Variants in STX8 observed in about 807,000 individuals in gnomAD.
STX8 encodes syntaxin-8.
STX8 carries 23 observed loss-of-function variants against 37.5 expected under a neutral mutation model. That is an observed-to-expected ratio of 0.61 (90% CI 0.44 to 0.87). The LOEUF is 0.87. Ranked by LOEUF, STX8 falls within the 40% of genes least tolerant of loss-of-function variation. STX8 has a pLI of 0.00. For missense variants in STX8, 313 were observed against 284.7 expected, an observed-to-expected ratio of 1.10 and a Z score of -0.71; for synonymous variants, 115 against 99.1, an observed-to-expected ratio of 1.16 and a Z score of -0.95.
intron 7 of STX8, among the ~76,000 whole-genome samples, chr17:9,290,272 T>C (rs1006293125): frequency 6.6e-6 from 1 of 151,948 alleles, no homozygotes; most frequent in African/African-American, 2.4e-5. Flanking sequence ...ATGCCATTAT[T>C]TTGACTCATC....
chr17:9,334,904 G>A (rs1482767826), intron 7 of STX8, among the ~76,000 whole-genome samples: 1 of 152,168 alleles, frequency 6.6e-6, no homozygotes, highest in South Asian at 2.1e-4. Context: ...AGTATGTTCA[G>A]TTCTTTGTTC....
intron 6 of STX8, among the ~76,000 whole-genome samples, chr17:9,381,836 G>A (rs889563276): frequency 4.6e-5 from 7 of 152,188 alleles, no homozygotes; most frequent in Admixed American, 1.3e-4. Flanking sequence ...GGGCATGGTG[G>A]CGTGCGCCTG....
intron 6 of STX8, among the ~76,000 whole-genome samples, chr17:9,428,504 T>C (rs925432754): frequency 6.6e-6 from 1 of 152,204 alleles, no homozygotes; most frequent in Non-Finnish European, 1.5e-5. Flanking sequence ...CCTCCCAAAG[T>C]GCTGGGATTA....
intron 7 of STX8, among the ~76,000 whole-genome samples, chr17:9,290,039 G>C (rs550619184): frequency 6.6e-6 from 1 of 152,300 alleles, no homozygotes; most frequent in African/African-American, 2.4e-5. Flanking sequence ...TTTCCCACAG[G>C]AGGAAGTTAA....
intron 7 of STX8, among the ~76,000 whole-genome samples, chr17:9,370,221 C>CAAAAA (rs1311169424): frequency 2.0e-5 from 3 of 152,066 alleles, no homozygotes; most frequent in Non-Finnish European, 2.9e-5. Context: ...TCTCAAAAAA[C>CAAAAA]AAAAATGAAT....
intron 7 of STX8, among the ~76,000 whole-genome samples, chr17:9,295,838 A>G (rs1249449635): frequency 8.1e-6 from 1 of 123,400 alleles, no homozygotes; most frequent in Non-Finnish European, 2.0e-5. Flanking sequence ...TGAGGTCAGG[A>G]GTTCGAGACC....
chr17:9,406,701 T>G (rs552220723), intron 6 of STX8, among the ~76,000 whole-genome samples: 1 of 152,348 alleles, frequency 6.6e-6, no homozygotes, highest in South Asian at 2.1e-4. Context: ...TTTAGCATTT[T>G]TACGTAGCTA....
intron 4 of STX8, among the ~76,000 whole-genome samples, chr17:9,526,592 T>A (rs1405768457): frequency 6.6e-6 from 1 of 152,166 alleles, no homozygotes; most frequent in Non-Finnish European, 1.5e-5. Context: ...AAACATTTTT[T>A]AAAATTAACA....
chr17:9,549,726 A>G (rs1906687673), intron 3 of STX8, among the ~76,000 whole-genome samples: 1 of 152,148 alleles, frequency 6.6e-6, no homozygotes, highest in African/African-American at 2.4e-5. Context: ...GGAGATGGGG[A>G]GGAGGGAGAT....
In STX8 at chr17:9,343,526, G is replaced by C. The variant is rs960903909; in HGVS notation, c.643+35026C>G. On this transcript the variant is annotated intron_variant, in intron 7 of 7. Transcript: ENST00000306357. ...CCAAAATAATCCTGGACCTTAAAGA[G>C]GTCTTGATTTATCATTTCACAGCTG... Among the ~76,000 whole-genome samples the C allele has an allele frequency of 2.0e-5, 3 of 152,172 alleles. No homozygotes were observed. In the East Asian group the frequency reaches 5.8e-4, roughly 29 times the overall value.
At chr17:9,308,412 C>T (rs1021204930) in intron 7 of STX8, among the ~76,000 whole-genome samples, 1 of 152,118 alleles carries the variant, frequency 6.6e-6, no homozygotes, top group Non-Finnish European at 1.5e-5. Context: ...GGTTCTAGTT[C>T]CTATGACTCA....
chr17:9,316,004 G>A (rs1909371468), intron 7 of STX8, among the ~76,000 whole-genome samples: 1 of 148,538 alleles, frequency 6.7e-6, no homozygotes, highest in African/African-American at 2.5e-5. Context: ...GATAGAGTGA[G>A]ACTCCATCTC....
At chr17:9,549,001 T>G (rs1279594183) in intron 3 of STX8, among the ~76,000 whole-genome samples, 3 of 152,110 alleles carry the variant, frequency 2.0e-5, no homozygotes, top group Non-Finnish European at 4.4e-5. Context: ...AACACAAGCT[T>G]CAGAACCATA....
chr17:9,349,790 G>C (rs960349815), intron 7 of STX8, among the ~76,000 whole-genome samples: 1 of 151,736 alleles, frequency 6.6e-6, no homozygotes, highest in Non-Finnish European at 1.5e-5. Context: ...TCCTTCTTGT[G>C]ATAATGTGAG....
At chr17:9,438,103 C>T (rs1040150495) in intron 6 of STX8, among the ~76,000 whole-genome samples, 1 of 152,018 alleles carries the variant, frequency 6.6e-6, no homozygotes, top group Admixed American at 6.6e-5. Flanking sequence ...ATTAGCCAGG[C>T]ATGGTGGCAC....
chr17:9,412,271 C>T (rs1913005033), intron 6 of STX8, among the ~76,000 whole-genome samples: 1 of 151,834 alleles, frequency 6.6e-6, no homozygotes, highest in South Asian at 2.1e-4. Context: ...TGTAACTAAT[C>T]ACAGCAGCAA....
At chr17:9,498,012 CCA>C (rs1904469276) in intron 5 of STX8, among the ~76,000 whole-genome samples, 1 of 152,076 alleles carries the variant, frequency 6.6e-6, no homozygotes, top group South Asian at 2.1e-4. Flanking sequence ...TGTCCAGTGC[CCA>C]CAGAGAAGCA....
chr17:9,542,411 C>T (rs1906313431), intron 4 of STX8, among the ~76,000 whole-genome samples: 1 of 151,828 alleles, frequency 6.6e-6, no homozygotes, highest in Non-Finnish European at 1.5e-5. Context: ...GGAGCTGTGG[C>T]TCACGCCTGT....
intron 2 of STX8, among the ~76,000 whole-genome samples, chr17:9,560,055 C>T (rs1907163232): frequency 6.6e-6 from 1 of 150,456 alleles, no homozygotes; most frequent in South Asian, 2.1e-4. Flanking sequence ...AGCCACCGCG[C>T]CCAGACTGAA....
Sources: gnomAD v4.1 joint callset for allele counts (sites outside exome capture counted in the v4.1 genomes callset) on GRCh38, gnomAD v4.1.1 for gene constraint, MANE v1.5 for transcripts, NCBI Gene and HGNC (gene_info 2026-07-23, HGNC 2026-07-21) for gene names.